Variants in IPPK observed in about 807,000 individuals in gnomAD.
IPPK encodes IPK1 homolog.
A neutral mutation model predicts 64.6 loss-of-function variants in IPPK; 22 were observed. The ratio of observed to expected loss-of-function variants is 0.34; its 90% CI spans 0.24 to 0.49. The LOEUF (loss-of-function observed/expected upper bound fraction) is 0.49. IPPK is among the 20% of genes least tolerant of loss of function. The pLI, the probability that IPPK is intolerant of heterozygous loss-of-function variation, is 0.99. For synonymous variants in IPPK, 262 were observed against 247.2 expected (o/e 1.06, Z -0.56); for missense variants, 532 against 630.7 (o/e 0.84, Z 1.68).
At chr9:92,618,743 T>G (rs1588329899) in intron 12 of IPPK, 1 of 260,522 alleles carries the variant, frequency 3.8e-6, no homozygotes, top group South Asian at 3.8e-5. Flanking sequence ...ATTCTGTGCC[T>G]GCCAGGGAAC....
At chr9:92,664,268 G>A (rs1297034183) in intron 1 of IPPK, among the ~76,000 whole-genome samples, 3 of 152,256 alleles carry the variant, frequency 2.0e-5, no homozygotes, top group Admixed American at 6.5e-5. Flanking sequence ...TCGCTTCACT[G>A]GGAATGTATG....
intron 11 of IPPK, among the ~76,000 whole-genome samples, chr9:92,625,923 T>C (rs1224814095): frequency 2.7e-5 from 4 of 148,216 alleles, no homozygotes; most frequent in Admixed American, 2.7e-4. Context: ...AATAAGAGAT[T>C]TTTTTTTTTT....
At chr9:92,618,576 C>T (rs1851521465) in intron 12 of IPPK, 2 of 456,600 alleles carry the variant, frequency 4.4e-6, no homozygotes, top group Admixed American at 2.3e-5. Flanking sequence ...TCTCATCGAA[C>T]ACCACCAGCT....
At chr9:92,646,100 A>G (rs1351560306) in intron 6 of IPPK, among the ~76,000 whole-genome samples, 6 of 152,192 alleles carry the variant, frequency 3.9e-5, no homozygotes, top group Non-Finnish European at 8.8e-5. Context: ...TAACAGCACA[A>G]AGGTTGGGGG....
At chr9:92,624,235 T>C (rs531640376) in intron 11 of IPPK, among the ~76,000 whole-genome samples, 1 of 152,212 alleles carries the variant, frequency 6.6e-6, no homozygotes, top group African/African-American at 2.4e-5. Flanking sequence ...AATCCAGCAC[T>C]TTGGGAGGCT....
chr9:92,640,586 G>A (rs1587631371), intron 8 of IPPK, 124 bp downstream of exon 8: 2 of 736,870 alleles, frequency 2.7e-6, no homozygotes, highest in East Asian at 5.0e-5. Flanking sequence ...CAGGGCATGA[G>A]GACCCCAAAG....
intron 8 of IPPK, 112 bp downstream of exon 8, chr9:92,640,598 G>A (rs1587631379): frequency 1.3e-6 from 1 of 775,114 alleles, no homozygotes; most frequent in East Asian, 2.5e-5. Context: ...ACCCCAAAGG[G>A]GATGTCAGAC....
Position 92,635,306 on chromosome 9 carries a change from T to C in IPPK, c.919A>G (p.Lys307Glu). The change falls in exon 10 of 13, where the codon AAA (lysine) becomes GAA (glutamate). Residue 307 changes from lysine to glutamate, a missense_variant and splice_region_variant. Coordinates refer to ENST00000287996, the MANE Select transcript of IPPK (RefSeq NM_022755.6). This position sits in a 1 kb window ranked among gnomAD's most constrained non-coding sequence, Gnocchi z 4.4. ...PFSRSLRCQG[K>E]NTPERSGLPK... is the part of the protein sequence containing the mutation. ...AACCCCGAGCGCTCTGGGGTGTTTT[T>C]TCCTACCGAGAACATCAGGGGAAAA... is the stretch of plus-strand genomic sequence containing the variant. 2 of 1,607,700 alleles carry C rather than the reference T, an allele frequency of 1.2e-6. No homozygotes were observed. The highest frequency in any genetic ancestry group is 1.7e-6 in the Non-Finnish European group (2 of 1,177,914).
At chr9:92,645,189 GAGACC>G (rs562320847) in intron 6 of IPPK, among the ~76,000 whole-genome samples, 2 of 152,012 alleles carry the variant, frequency 1.3e-5, no homozygotes, top group South Asian at 4.2e-4. Flanking sequence ...TGAGGCGTTC[GAGACC>G]AGCCTGGGCA....
chr9:92,646,035 T>C, intron 6 of IPPK, among the ~76,000 whole-genome samples: 1 of 152,204 alleles, frequency 6.6e-6, no homozygotes, highest in East Asian at 1.9e-4. Context: ...AAGGTAATAA[T>C]TACAAATCTG....
At chr9:92,665,701 T>C (rs1020145101) in intron 1 of IPPK, among the ~76,000 whole-genome samples, 3 of 152,246 alleles carry the variant, frequency 2.0e-5, no homozygotes, top group Non-Finnish European at 4.4e-5. Flanking sequence ...CATCTTCTTT[T>C]GTAACCTGCT....
intron 1 of IPPK, among the ~76,000 whole-genome samples, chr9:92,667,344 A>G (rs1852620891): frequency 6.6e-6 from 1 of 152,034 alleles, no homozygotes; most frequent in Admixed American, 6.5e-5. Context: ...TCCCACTGAC[A>G]CACACCCTCT....
rs757041514 is a variant in IPPK, at chr9:92,614,456, A to AAAAC, written c.*1372_*1375dup. The AAAAC allele has an allele frequency of 2.0e-5, 3 of 152,530 alleles. No individual in the cohort carries two copies. The highest frequency in any genetic ancestry group is 2.9e-5 in the Non-Finnish European group (2 of 68,058). 9.4% of individuals were successfully genotyped at this position (152,530 alleles called of 1,614,324 possible). ...AGACGGTGTCATTGGAAGTGAGAAG[A>AAAAC]AAACAGTAAAAGTGTCCAGTTAGAT... On this transcript the variant is annotated 3_prime_UTR_variant, in exon 13 of 13. Transcript: ENST00000287996.
chr9:92,626,804 C>A (rs1355256673), intron 11 of IPPK, among the ~76,000 whole-genome samples: 5 of 151,834 alleles, frequency 3.3e-5, no homozygotes, highest in Admixed American at 3.3e-4. Flanking sequence ...GTAGAGAAGA[C>A]CTTAAAAGCA....
intron 12 of IPPK, chr9:92,618,844 G>C: frequency 2.8e-6 from 1 of 351,440 alleles, no homozygotes; most frequent in Non-Finnish European, 5.6e-6. Flanking sequence ...AGGAACACAT[G>C]TTAGAAGAAT....
At chr9:92,619,673 C>A (rs1851562349) in intron 11 of IPPK, 108 bp from the exon 12 acceptor site, 1 of 1,021,438 alleles carries the variant, frequency 9.8e-7, no homozygotes, top group East Asian at 2.6e-5. Flanking sequence ...TGCCTCAGAA[C>A]CTGAGGGTGG....
chr9:92,645,713 T>C (rs941406601), intron 6 of IPPK, among the ~76,000 whole-genome samples: 1 of 152,168 alleles, frequency 6.6e-6, no homozygotes, highest in East Asian at 1.9e-4. Flanking sequence ...TCATGACATA[T>C]CCTCAGTGCT....
At chr9:92,656,280 G>A (rs1406866544) in intron 3 of IPPK, among the ~76,000 whole-genome samples, 176 bp downstream of exon 3, 1 of 152,202 alleles carries the variant, frequency 6.6e-6, no homozygotes, top group African/African-American at 2.4e-5. Flanking sequence ...TTCTCAGCTA[G>A]GAAAGAGAAA....
chr9:92,658,520 G>C (rs1414561514), intron 2 of IPPK, 114 bp downstream of exon 2: 6 of 890,660 alleles, frequency 6.7e-6, no homozygotes, highest in Non-Finnish European at 1.1e-5. Flanking sequence ...TGCACTGAAT[G>C]CTTGTATCAT....
Sources: gnomAD v4.1 joint callset for allele counts (sites outside exome capture counted in the v4.1 genomes callset) on GRCh38, gnomAD v4.1.1 for gene constraint, Gnocchi (gnomAD v3.1) non-coding constraint, MANE v1.5 for transcripts, NCBI Gene and HGNC (gene_info 2026-07-23, HGNC 2026-07-21) for gene names.